The following KCNN2 variants were observed in gnomAD, a reference collection of about 807,000 sequenced individuals.
KCNN2 encodes potassium calcium-activated channel subfamily N member 2.
Under a neutral mutation model 55.5 loss-of-function variants are expected in KCNN2, and 24 were observed. The observed-to-expected ratio is 0.43, with a 90% confidence interval of 0.31 to 0.61. The LOEUF (loss-of-function observed/expected upper bound fraction) is 0.61, where lower values mean the gene tolerates loss of function less well. Among genes scored for constraint, KCNN2 ranks in the 20% least tolerant of loss-of-function variants. The pLI, the probability that KCNN2 is intolerant of heterozygous loss-of-function variation, is 0.08. For missense variants in KCNN2, 754 were observed against 853.6 expected, an observed-to-expected ratio of 0.88 and a Z score of 1.45; for synonymous variants, 431 against 336.1, an observed-to-expected ratio of 1.28 and a Z score of -3.09.
At chr5:114,275,729 CTTT>C (rs1294513173) in intron 2 of KCNN2, among the ~76,000 whole-genome samples, 1 of 151,764 alleles carries the variant, frequency 6.6e-6, no homozygotes, top group Non-Finnish European at 1.5e-5. Context: ...TCTTTTTCTT[CTTT>C]ATTAGTCTTC....
chr5:114,382,330 C>G (rs560708658), intron 2 of KCNN2, among the ~76,000 whole-genome samples: 1 of 152,154 alleles, frequency 6.6e-6, no homozygotes, highest in African/African-American at 2.4e-5. Flanking sequence ...TCTTTCCTTT[C>G]TGTGATATAC....
At chr5:114,411,470 G>T (rs1759131960) in intron 3 of KCNN2, among the ~76,000 whole-genome samples, 3 of 152,114 alleles carry the variant, frequency 2.0e-5, no homozygotes, top group African/African-American at 7.2e-5. Context: ...ATGTGGCTCA[G>T]TCCAAGTCTA....
intron 1 of KCNN2, among the ~76,000 whole-genome samples, chr5:114,167,515 T>A (rs1205297317): frequency 6.6e-6 from 1 of 152,116 alleles, no homozygotes; most frequent in Non-Finnish European, 1.5e-5. Flanking sequence ...GTTCTTCTTT[T>A]TGTCTGATAT....
chr5:114,233,087 A>AT (rs1458166348), intron 2 of KCNN2, among the ~76,000 whole-genome samples: 2 of 144,236 alleles, frequency 1.4e-5, no homozygotes, highest in Non-Finnish European at 3.0e-5. Flanking sequence ...CGCCCGGCTA[A>AT]TTTTTTGTAT....
chr5:114,421,395 A>T (rs1437961029), intron 3 of KCNN2, among the ~76,000 whole-genome samples: 1 of 152,020 alleles, frequency 6.6e-6, no homozygotes, highest in Non-Finnish European at 1.5e-5. Flanking sequence ...GGTTCAAGTG[A>T]TTCTCCTGCC....
intron 3 of KCNN2, among the ~76,000 whole-genome samples, chr5:114,414,334 G>A (rs1759230371): frequency 6.6e-6 from 1 of 152,086 alleles, no homozygotes; most frequent in African/African-American, 2.4e-5. Flanking sequence ...AATTAAATGG[G>A]GAATGAGGTA....
intron 2 of KCNN2, chr5:114,253,592 C>G (rs1754923559): frequency 6.5e-6 from 1 of 154,974 alleles, no homozygotes; most frequent in Non-Finnish European, 1.5e-5. Flanking sequence ...GCGGGTGTCC[C>G]CTTCCTCTCT....
chr5:114,403,687 A>G (rs1280083808), intron 2 of KCNN2, among the ~76,000 whole-genome samples: 1 of 152,092 alleles, frequency 6.6e-6, no homozygotes, highest in Non-Finnish European at 1.5e-5. Flanking sequence ...CTCTTTATCT[A>G]TATATCTATT....
chr5:114,404,978 C>A, intron 3 of KCNN2, 122 bp downstream of exon 3: 1 of 776,842 alleles, frequency 1.3e-6, no homozygotes, highest in Non-Finnish European at 2.1e-6. Context: ...GATTTTCTGA[C>A]AGGCTTCTTT....
intron 2 of KCNN2, among the ~76,000 whole-genome samples, chr5:114,272,357 C>CGTATACACACATATATGTATGTACATAT: frequency 3.4e-5 from 1 of 29,410 alleles, no homozygotes; most frequent in Non-Finnish European, 1.2e-4. Context: ...TATGTACATA[C>CGTATACACACATATATGTATGTACATAT]CATATACACA....
intron 2 of KCNN2, among the ~76,000 whole-genome samples, chr5:114,390,459 G>C (rs1250151404): frequency 1.3e-5 from 2 of 152,088 alleles, no homozygotes; most frequent in African/African-American, 4.8e-5. Context: ...TATTCTACCT[G>C]AAGTTAGTTA....
chr5:114,493,999 C>T (rs1337331382), intron 7 of KCNN2, among the ~76,000 whole-genome samples: 2 of 152,098 alleles, frequency 1.3e-5, no homozygotes, highest in Non-Finnish European at 2.9e-5. Context: ...TTCATTATTT[C>T]AAAATCATAC....
chr5:114,479,120 C>T (rs1052145050), intron 5 of KCNN2, among the ~76,000 whole-genome samples: 1 of 151,788 alleles, frequency 6.6e-6, no homozygotes, highest in African/African-American at 2.4e-5. Flanking sequence ...GATAAAGAGC[C>T]AAGACCCATC....
chr5:114,073,905 A>G (rs1045343164), intron 1 of KCNN2, among the ~76,000 whole-genome samples: 1 of 152,260 alleles, frequency 6.6e-6, no homozygotes, highest in Non-Finnish European at 1.5e-5. Flanking sequence ...ACTAAAAAAT[A>G]GACAAAATAT....
chr5:114,080,830 G>T (rs1460085321), intron 1 of KCNN2, among the ~76,000 whole-genome samples: 1 of 151,996 alleles, frequency 6.6e-6, no homozygotes, highest in Non-Finnish European at 1.5e-5. Flanking sequence ...GTTCTAGGTG[G>T]AGCCATTAGG....
chr5:114,268,006 A>G (rs1755245179), intron 2 of KCNN2, among the ~76,000 whole-genome samples: 1 of 152,078 alleles, frequency 6.6e-6, no homozygotes, highest in Non-Finnish European at 1.5e-5. Flanking sequence ...GCCGTGCCAA[A>G]ACACCTTAAA....
At chr5:114,466,474 AATATAT>A (rs10577661) in intron 4 of KCNN2, among the ~76,000 whole-genome samples, 1 of 149,708 alleles carries the variant, frequency 6.7e-6, no homozygotes, top group African/African-American at 2.4e-5. Context: ...TCTTCCTAGA[AATATAT>A]ATATATATAT....
chr5:114,212,366 T>G (rs889644030), intron 1 of KCNN2, among the ~76,000 whole-genome samples: 3 of 151,964 alleles, frequency 2.0e-5, no homozygotes, highest in Admixed American at 2.0e-4. Flanking sequence ...ATAAAGTAAA[T>G]TAGTGGTTGC....
chr5:114,145,448 T>C (rs920550284), intron 1 of KCNN2, among the ~76,000 whole-genome samples: 2 of 152,186 alleles, frequency 1.3e-5, no homozygotes, highest in Non-Finnish European at 2.9e-5. Flanking sequence ...CCTATTTTGA[T>C]CTGCCTTAGA....
Sources: gnomAD v4.1 joint callset for allele counts (sites outside exome capture counted in the v4.1 genomes callset) on GRCh38, gnomAD v4.1.1 for gene constraint, MANE v1.5 for transcripts, NCBI Gene and HGNC (gene_info 2026-07-23, HGNC 2026-07-21) for gene names.